The following NPNT variants were observed in gnomAD, a reference collection of about 807,000 sequenced individuals.
NPNT encodes the protein nephronectin, also known as preosteoblast EGF-like repeat protein with MAM domain.
A neutral mutation model predicts 68.6 loss-of-function variants in NPNT; 45 were observed. The observed-to-expected ratio is 0.66, with a 90% confidence interval of 0.52 to 0.84. The LOEUF is 0.84. Ranked by LOEUF, NPNT falls within the 40% of genes least tolerant of loss-of-function variation. The probability of loss-of-function intolerance (pLI) is 0.00; values close to 1 mark genes in which losing one functional copy is unlikely to be tolerated. For synonymous variants in NPNT, 233 were observed against 253.3 expected, an observed-to-expected ratio of 0.92 and a Z score of 0.76; for missense variants, 672 against 714.8, an observed-to-expected ratio of 0.94 and a Z score of 0.68.
At chr4:105,938,168 T>G (rs138478396) in intron 4 of NPNT, 133 bp from the exon 5 acceptor site, 8,069 of 702,590 alleles carry the variant, frequency 0.011, 65 homozygotes, top group Middle Eastern at 0.025. Flanking sequence ...CTTTAGATGT[T>G]TGATAGTTAA....
At chr4:105,909,661 AG>A (rs1259840283) in intron 2 of NPNT, among the ~76,000 whole-genome samples, 2 of 152,164 alleles carry the variant, frequency 1.3e-5, no homozygotes, top group Non-Finnish European at 2.9e-5. Context: ...AGAGTTAGGT[AG>A]TTTTCTGTGA....
At chr4:105,958,951 A>C (rs1731463151) in intron 9 of NPNT, 77 bp from the exon 10 acceptor site, 2 of 881,952 alleles carry the variant, frequency 2.3e-6, no homozygotes, top group Non-Finnish European at 3.8e-6. Context: ...TTGTCTAGAT[A>C]CCCCTAGTTC....
chr4:105,968,811 A>G (rs1416993715), intron 11 of NPNT, 84 bp from the exon 12 acceptor site: 1 of 718,072 alleles, frequency 1.4e-6, no homozygotes, highest in Non-Finnish European at 2.4e-6. Flanking sequence ...GGTTTGGGGG[A>G]AGGTTTGCCT....
At chr4:105,944,920 T>C (rs11097903) in intron 8 of NPNT, among the ~76,000 whole-genome samples, 6 of 152,188 alleles carry the variant, frequency 3.9e-5, no homozygotes, top group Non-Finnish European at 8.8e-5. Context: ...TGTGAAAACA[T>C]TAAGGAACCT....
At position 105,970,753 on chromosome 4, in the gene NPNT, A is replaced by T. The variant is rs1732507906; in HGVS notation, c.*1763A>T. 1 of 375,618 alleles carries T rather than the reference A, an allele frequency of 2.7e-6. No homozygotes were observed. Among genetic ancestry groups the T allele is most frequent in the Middle Eastern group, 6.2e-4 (1 of 1,618 alleles). 23.3% of individuals were successfully genotyped at this position (375,618 alleles called of 1,614,324 possible). ...CTTACCCAAGGAAAAGTAACAAATT[A>T]TAGAATTTCCCAAAAGATGTTTTGA... On this transcript the variant is annotated 3_prime_UTR_variant, in exon 12 of 12. Coordinates refer to ENST00000379987, the MANE Select transcript of NPNT (RefSeq NM_001033047.3).
chr4:105,932,516 C>A, intron 3 of NPNT: 1 of 684,686 alleles, frequency 1.5e-6, no homozygotes, highest in Non-Finnish European at 2.5e-6. Context: ...ACTCTACCAA[C>A]TGTATGTAAT....
At chr4:105,898,296 C>CTCTCTCTCTCTCTCTG (rs1560881577) in intron 2 of NPNT, among the ~76,000 whole-genome samples, 151 of 126,904 alleles carry the variant, frequency 1.2e-3, no homozygotes, top group African/African-American at 5.1e-3. Flanking sequence ...TTATTTCTCT[C>CTCTCTCTCTCTCTCTG]TCTCTCTCTC....
chr4:105,971,286 G>C lies in NPNT; in HGVS notation c.*2296G>C. On this transcript the variant is annotated 3_prime_UTR_variant, in exon 12 of 12. Coordinates refer to ENST00000379987, the MANE Select transcript of NPNT (RefSeq NM_001033047.3). ...TCTCTTATCAATTGGACTCTCCCAG[G>C]TTCCACAGAACAGTAATATTTTTTG... 2.6e-6 allele frequency: 1 copy of C among 377,510 alleles called. No homozygotes were observed. Among genetic ancestry groups the C allele is most frequent in the Non-Finnish European group, 5.5e-6 (1 of 181,008 alleles). 23.4% of individuals were successfully genotyped at this position (377,510 alleles called of 1,614,324 possible).
At position 105,942,077 on chromosome 4, in the gene NPNT, A is replaced by C. The variant is rs572601136; in HGVS notation, c.764-230A>C. Among the ~76,000 whole-genome samples, 106 of 151,236 alleles carry C rather than the reference A, an allele frequency of 7.0e-4. 1 individual carries two copies. Among genetic ancestry groups the C allele is most frequent in the African/African-American group, 2.5e-3 (104 of 41,170 alleles). ...TATATTTGTTACATACATCCAAAGGATGAATATATGAATATATATGTGTGT... is the reference window on the plus strand; with the variant it reads ...TATATTTGTTACATACATCCAAAGGCTGAATATATGAATATATATGTGTGT... On this transcript the variant is annotated intron_variant, in intron 7 of 11. Transcript: ENST00000379987.
intron 3 of NPNT, among the ~76,000 whole-genome samples, chr4:105,935,169 A>T (rs745869649): frequency 7.2e-5 from 11 of 152,202 alleles, no homozygotes; most frequent in African/African-American, 1.2e-4. Context: ...ACATGTAAAG[A>T]AAAATCCATC....
intron 2 of NPNT, among the ~76,000 whole-genome samples, chr4:105,902,467 C>G (rs1726498789): frequency 6.6e-6 from 1 of 152,160 alleles, no homozygotes. Context: ...AATTCTGGGG[C>G]CAGCTTGGTG....
intron 10 of NPNT, among the ~76,000 whole-genome samples, chr4:105,962,851 A>ATG (rs533801417): frequency 0.034 from 5,141 of 149,756 alleles, 235 homozygotes; most frequent in East Asian, 0.23. Flanking sequence ...GATGGAGTGT[A>ATG]TGTGTGTGTG....
chr4:105,947,286 T>C (rs1730464347), intron 8 of NPNT, among the ~76,000 whole-genome samples: 1 of 152,146 alleles, frequency 6.6e-6, no homozygotes, highest in Admixed American at 6.5e-5. Context: ...TACAACCAAT[T>C]TGTACAGTTA....
intron 2 of NPNT, among the ~76,000 whole-genome samples, chr4:105,908,393 A>G (rs187248687): frequency 9.1e-4 from 139 of 152,312 alleles, no homozygotes; most frequent in Middle Eastern, 3.4e-3. Flanking sequence ...TAACATCATC[A>G]GATCACAAGA....
Position 105,970,640 on chromosome 4 carries a change from A to T in NPNT, c.*1650A>T, listed in dbSNP as rs548026181. 1.6e-6 allele frequency: 1 copy of T among 608,598 alleles called. No homozygotes were observed. Among genetic ancestry groups the T allele is most frequent in the South Asian group, 1.6e-5 (1 of 60,806 alleles). 37.7% of individuals were successfully genotyped at this position (608,598 alleles called of 1,614,324 possible). A position where few individuals can be genotyped will look rare whatever the true frequency, so the allele number is the denominator to read the frequency against. On this transcript the variant is annotated 3_prime_UTR_variant, in exon 12 of 12. Transcript: ENST00000379987. ...AGGGGCCATTGTTAGAATACTTCATAAAAAAAGAAGTGTGAAAATCTCAGT... is the reference window on the plus strand; with the variant it reads ...AGGGGCCATTGTTAGAATACTTCATTAAAAAAGAAGTGTGAAAATCTCAGT...
rs141908628 is a variant in NPNT at position 105,960,622 on chromosome 4, A to G, written c.1345+1496A>G. Among the ~76,000 whole-genome samples, 605 of 152,264 alleles carry G rather than the reference A, an allele frequency of 4.0e-3. 4 individuals carry two copies. The highest frequency in any genetic ancestry group is 0.014 in the African/African-American group (571 of 41,520). On this transcript the variant is annotated intron_variant, in intron 10 of 11. Transcript: ENST00000379987. ...ACATTTCTTTTCATTGTAAAAGACA[A>G]TATCATTTAGTGCCTCACACACAGT...
At chr4:105,917,874 G>C (rs115120429) in intron 2 of NPNT, among the ~76,000 whole-genome samples, 3 of 152,146 alleles carry the variant, frequency 2.0e-5, no homozygotes, top group African/African-American at 7.2e-5. Context: ...CATGAAATAT[G>C]GTACTGAATG....
intron 2 of NPNT, among the ~76,000 whole-genome samples, chr4:105,903,618 A>G (rs1049797474): frequency 1.3e-5 from 2 of 152,122 alleles, no homozygotes; most frequent in Admixed American, 6.5e-5. Flanking sequence ...AGTTTTTGGT[A>G]TACTTTAAAA....
chr4:105,965,002 TAAGAA>T (rs904600253), intron 10 of NPNT, among the ~76,000 whole-genome samples: 1 of 152,194 alleles, frequency 6.6e-6, no homozygotes. Context: ...ATGTATTACA[TAAGAA>T]AAGTTCAGAA....
Sources: allele counts gnomAD v4.1 joint callset (sites outside exome capture counted in the v4.1 genomes callset), GRCh38; gene constraint gnomAD v4.1.1; transcripts MANE v1.5; gene names NCBI Gene and HGNC (gene_info 2026-07-23, HGNC 2026-07-21).